RYR3: variants seen among roughly 807,000 people sequenced by gnomAD.
The protein encoded by RYR3 is ryanodine receptor 3.
A neutral mutation model predicts 584.3 loss-of-function variants in RYR3; 207 were observed. That is an observed-to-expected ratio of 0.35 (90% CI 0.32 to 0.40). RYR3 has a LOEUF of 0.40. Ranked by LOEUF, RYR3 falls within the 10% of genes least tolerant of loss-of-function variation. The pLI is 1.00. For missense variants in RYR3, 5,616 were observed against 6,089.2 expected (o/e 0.92, Z 2.59); for synonymous variants, 2,416 against 2,248.5 (o/e 1.07, Z -2.11).
intron 18 of RYR3, 108 bp downstream of exon 18, chr15:33,603,472 A>ACTT: frequency 8.5e-7 from 1 of 1,178,572 alleles, no homozygotes; most frequent in African/African-American, 1.5e-5. Context: ...CAGACTCAAG[A>ACTT]GTCTCAACTA....
intron 77 of RYR3, 27 bp downstream of exon 77, chr15:33,819,834 C>T (rs769725873): frequency 6.5e-7 from 1 of 1,549,714 alleles, no homozygotes; most frequent in East Asian, 2.3e-5. Flanking sequence ...TGCCCATTGT[C>T]TCTGTCTTTC....
chr15:33,768,798 G>A (rs969300931), intron 61 of RYR3, 91 bp downstream of exon 61: 26 of 1,273,246 alleles, frequency 2.0e-5, no homozygotes, highest in Admixed American at 2.0e-4. Context: ...CAGACAACCC[G>A]GGCCTTGGGA....
chr15:33,319,867 T>C (rs2140514447), intron 1 of RYR3, among the ~76,000 whole-genome samples: 1 of 152,296 alleles, frequency 6.6e-6, no homozygotes, highest in Admixed American at 6.5e-5. Flanking sequence ...CATTAGGAAC[T>C]CCAGGAACAC....
At position 33,826,749 on chromosome 15, in the gene RYR3, A is replaced by C; in HGVS notation, c.11242A>C (p.Ser3748Arg). 2 of 1,608,176 alleles carry C rather than the reference A, an allele frequency of 1.2e-6. No homozygotes were observed. Among genetic ancestry groups the C allele is most frequent in the Non-Finnish European group, 1.7e-6 (2 of 1,177,332 alleles). Residue 3748 changes from serine to arginine, a missense_variant, in exon 84 of 104, where the codon AGT becomes CGT. By Grantham distance (110) the Ser-to-Arg change is moderately radical. Around this residue, in one of 9 missense-constraint regions of RYR3, gnomAD observed 954 missense variants for 1,132.2 expected, o/e 0.84. Transcript: ENST00000634891. ...FLQLLCEGHNSDFQNFLRTQM... is the reference protein window; with the variant it reads ...FLQLLCEGHNRDFQNFLRTQM... ...ACAGTTACTTTGTGAGGGACATAAC[A>C]GTGGTGAGTGGAACAGATTGATCTG...
rs750475227 is a variant in RYR3, at chr15:33,701,005, G to A, written c.6408G>A (p.Pro2136=). 11 of 1,613,230 alleles carry A rather than the reference G, an allele frequency of 6.8e-6. No homozygotes were observed. The highest frequency in any genetic ancestry group is 1.3e-5 in the African/African-American group (1 of 74,914). The part of the protein sequence containing the change: ...LASPSMRGST[P]LDVAASSVMD... The stretch of plus-strand genomic sequence containing the variant: ...CCCCGTCGATGAGGGGATCCACCCC[G>A]CTGGATGTGGCAGCTTCCTCTGTGA... The change falls in exon 42 of 104, where the codon CCG becomes CCA. Residue 2136 remains proline, a synonymous_variant. Transcript: ENST00000634891.
At position 33,390,318 on chromosome 15, in the gene RYR3, T is replaced by C. The variant is rs144108973; in HGVS notation, c.51+79222T>C. Among the ~76,000 whole-genome samples, 235 of 152,356 alleles carry C rather than the reference T, an allele frequency of 1.5e-3. 5 individuals carry two copies. In the East Asian group the frequency reaches 0.04, roughly 26 times the overall value. Reference sequence around the variant, plus strand: ...TCTTTTAGCTGGGCCCACATGGGCCTCAGTACCAGTATACCTGGGGGTCTC... The same window carrying C: ...TCTTTTAGCTGGGCCCACATGGGCCCCAGTACCAGTATACCTGGGGGTCTC... On this transcript the variant is annotated intron_variant, in intron 1 of 103. Transcript: ENST00000634891. The surrounding 1 kb of genome is among the most constrained non-coding windows in gnomAD (Gnocchi z 4.2).
chr15:33,502,348 G>T (rs1434314969), intron 2 of RYR3, among the ~76,000 whole-genome samples: 5 of 152,152 alleles, frequency 3.3e-5, no homozygotes, highest in African/African-American at 1.2e-4. Flanking sequence ...CGGAGCCTTA[G>T]TAACAGACTT....
At chr15:33,622,281 C>A (rs563605801) in intron 19 of RYR3, among the ~76,000 whole-genome samples, 4 of 152,318 alleles carry the variant, frequency 2.6e-5, no homozygotes, top group Admixed American at 6.5e-5. Flanking sequence ...CCCACGCCAC[C>A]CTCCTTTCTG....
intron 28 of RYR3, 40 bp from the exon 29 acceptor site, chr15:33,646,311 C>G: frequency 6.5e-7 from 1 of 1,544,358 alleles, no homozygotes; most frequent in Non-Finnish European, 8.8e-7. Context: ...CAAGGTCAGG[C>G]CCTTTGGTAT....
chr15:33,498,450 ACC>A (rs1304808049), intron 2 of RYR3, among the ~76,000 whole-genome samples: 2 of 152,072 alleles, frequency 1.3e-5, no homozygotes, highest in Non-Finnish European at 2.9e-5. Context: ...TTTTTCAAAT[ACC>A]TATTGCCCAC....
chr15:33,573,336 C>G (rs189014229), intron 12 of RYR3, among the ~76,000 whole-genome samples: 1 of 152,196 alleles, frequency 6.6e-6, no homozygotes, highest in African/African-American at 2.4e-5. Flanking sequence ...TTTTGAGAAA[C>G]CAACTTTGTA....
intron 16 of RYR3, among the ~76,000 whole-genome samples, chr15:33,600,523 G>A (rs2059606109): frequency 1.3e-5 from 2 of 152,058 alleles, no homozygotes; most frequent in Non-Finnish European, 2.9e-5. Flanking sequence ...AGAGGACAGA[G>A]GAGAGGTGAG....
chr15:33,413,710 G>T (rs2043574246), intron 1 of RYR3, among the ~76,000 whole-genome samples: 1 of 152,194 alleles, frequency 6.6e-6, no homozygotes, highest in South Asian at 2.1e-4. Context: ...GCAGGCCTGT[G>T]GTCCTGTTCC....
intron 1 of RYR3, among the ~76,000 whole-genome samples, chr15:33,425,893 TGGCC>T (rs1347292879): frequency 6.6e-6 from 1 of 152,096 alleles, no homozygotes; most frequent in Non-Finnish European, 1.5e-5. Flanking sequence ...CCGCCCGCCT[TGGCC>T]TCCCAAAGTG....
intron 65 of RYR3, 91 bp downstream of exon 65, chr15:33,780,432 G>A (rs2074316106): frequency 1.6e-5 from 22 of 1,394,168 alleles, no homozygotes; most frequent in Non-Finnish European, 2.2e-5. Context: ...CTGCAGCACT[G>A]TGGCTTTCTT....
At chr15:33,421,029 A>G (rs1383168029) in intron 1 of RYR3, among the ~76,000 whole-genome samples, 3 of 152,066 alleles carry the variant, frequency 2.0e-5, no homozygotes, top group Admixed American at 1.3e-4. Context: ...TGAGTCCTGA[A>G]TGGGTTATCC....
intron 65 of RYR3, 49 bp from the exon 66 acceptor site, chr15:33,785,613 A>G (rs767964104): frequency 7.0e-7 from 1 of 1,425,928 alleles, no homozygotes; most frequent in Non-Finnish European, 9.4e-7. Flanking sequence ...GGAAGCTTGC[A>G]CCCACTGTGC....
chr15:33,652,407 A>T (rs369412607), intron 31 of RYR3, among the ~76,000 whole-genome samples: 1 of 152,100 alleles, frequency 6.6e-6, no homozygotes, highest in Non-Finnish European at 1.5e-5. Context: ...TTGGTGGGAT[A>T]CTGCCGTTCC....
rs772804400 is a variant in RYR3 at position 33,750,301 on chromosome 15, A to C, written c.8399+15A>C. On this transcript the variant is annotated intron_variant, in intron 57 of 103. Transcript: ENST00000634891. ...ATAGTTTCCAGGTAAGTCACCTTCC[A>C]TGTGATGCTAGTGGGACAGGGCTGT... is the stretch of plus-strand genomic sequence containing the variant. The C allele has an allele frequency of 1.2e-6, 2 of 1,609,228 alleles. No individual in the cohort carries two copies. The highest frequency in any genetic ancestry group is 1.7e-6 in the Non-Finnish European group (2 of 1,177,618).
Sources: gnomAD v4.1 joint callset for allele counts (sites outside exome capture counted in the v4.1 genomes callset) on GRCh38, gnomAD v4.1.1 for gene constraint, gnomAD v4.1.1 regional missense constraint, Gnocchi (gnomAD v3.1) non-coding constraint, MANE v1.5 for transcripts, NCBI Gene and HGNC (gene_info 2026-07-23, HGNC 2026-07-21) for gene names.